TBC1D2B: variants seen among roughly 807,000 people sequenced by gnomAD.
TBC1D2B encodes the protein TBC1 domain family, member 2B.
Under a neutral mutation model 100.8 loss-of-function variants are expected in TBC1D2B, and 64 were observed. The observed-to-expected ratio is 0.64, with a 90% CI of 0.52 to 0.78. The LOEUF (loss-of-function observed/expected upper bound fraction) is 0.78, where lower values mean the gene tolerates loss of function less well. TBC1D2B is among the 30% of genes least tolerant of loss of function. The pLI, the probability that TBC1D2B is intolerant of heterozygous loss-of-function variation, is 0.00. For synonymous variants in TBC1D2B, 480 were observed against 479.7 expected (o/e 1.00, Z -0.01); for missense variants, 1,052 against 1,218.4 (o/e 0.86, Z 2.03).
At chr15:78,075,074 G>A (rs770602437) in intron 1 of TBC1D2B, among the ~76,000 whole-genome samples, 1 of 152,088 alleles carries the variant, frequency 6.6e-6, no homozygotes, top group Non-Finnish European at 1.5e-5. Context: ...GCAGGGAACT[G>A]GTGTAATTTG....
chr15:78,043,144 A>G (rs2073123662), intron 3 of TBC1D2B, among the ~76,000 whole-genome samples: 1 of 152,186 alleles, frequency 6.6e-6, no homozygotes, highest in East Asian at 1.9e-4. Context: ...CACACAGAAA[A>G]TAACTTTATC....
At chr15:78,061,998 G>C (rs1474285677) in intron 1 of TBC1D2B, among the ~76,000 whole-genome samples, 1 of 152,096 alleles carries the variant, frequency 6.6e-6, no homozygotes, top group Non-Finnish European at 1.5e-5. Context: ...GAAAATGAAT[G>C]CCATGTGCAC....
At chr15:78,048,197 A>C (rs12591418) in intron 2 of TBC1D2B, among the ~76,000 whole-genome samples, 94,158 of 152,108 alleles carry the variant, frequency 0.62, 29,098 homozygotes, top group Admixed American at 0.64. Context: ...AGGGAGGAAC[A>C]CGTTGGAGGA....
At chr15:78,056,242 G>A (rs893543707) in intron 1 of TBC1D2B, among the ~76,000 whole-genome samples, 2 of 152,220 alleles carry the variant, frequency 1.3e-5, no homozygotes, top group Non-Finnish European at 2.9e-5. Context: ...ATTCCAGGGA[G>A]AGAGAGAAGT....
chr15:78,002,739 G>A (rs74604302), intron 11 of TBC1D2B: 8,899 of 153,126 alleles, frequency 0.058, 363 homozygotes, highest in East Asian at 0.23. Context: ...CACTGTGCCC[G>A]GCTAAGGTAA....
chr15:78,045,864 G>A (rs560755606), intron 2 of TBC1D2B, among the ~76,000 whole-genome samples: 57 of 152,120 alleles, frequency 3.7e-4, no homozygotes, highest in Non-Finnish European at 1.9e-4. Context: ...GTTATTCTTC[G>A]TATATGTTTA....
At chr15:78,024,035 GA>G in intron 6 of TBC1D2B, 120 bp downstream of exon 6, 6 of 1,128,702 alleles carry the variant, frequency 5.3e-6, no homozygotes, top group Non-Finnish European at 6.0e-6. Context: ...CACTTGTGGG[GA>G]AAAAAAATAA....
At chr15:78,046,414 A>G (rs1274840794) in intron 2 of TBC1D2B, among the ~76,000 whole-genome samples, 1 of 152,260 alleles carries the variant, frequency 6.6e-6, no homozygotes, top group African/African-American at 2.4e-5. Context: ...TCTTTTTAAA[A>G]TATCTCTATA....
chr15:78,077,496 A>G lies in TBC1D2B; in HGVS notation c.157T>C (p.Tyr53His). Residue 53 changes from tyrosine (Y) to histidine (H), a missense_variant, in exon 1 of 13, where the codon TAC becomes CAC. By Grantham distance (83) the Tyr-to-His change is moderately conservative (BLOSUM62 2). Coordinates refer to ENST00000300584, the MANE Select transcript of TBC1D2B (RefSeq NM_144572.2). ...TCGAACACGAACCAGCGGCTGCGGT[A>G]GCCACGCAGGGGGCCCTTGCCCGAC... ...KLSGKGPLRG[Y>H]RSRWFVFDAR... is the part of the protein sequence containing the mutation. 6.5e-7 allele frequency: 1 copy of G among 1,533,062 alleles called. No homozygotes were observed. The highest frequency in any genetic ancestry group is 8.8e-7 in the Non-Finnish European group (1 of 1,139,986). 95.0% of individuals were successfully genotyped at this position (1,533,062 alleles called of 1,614,324 possible).
intron 2 of TBC1D2B, among the ~76,000 whole-genome samples, chr15:78,046,727 G>A (rs890713079): frequency 2.0e-5 from 3 of 151,602 alleles, no homozygotes; most frequent in Non-Finnish European, 2.9e-5. Flanking sequence ...CCACCTTGGC[G>A]TCCCAAAGTG....
At position 78,046,008 on chromosome 15, in the gene TBC1D2B, T is replaced by C. The variant is rs973699244; in HGVS notation, c.515-940A>G. 9.2e-5 allele frequency among the ~76,000 whole-genome samples: 14 copies of C among 152,330 alleles called. No homozygotes were observed. The South Asian group carries it at 2.7e-3, about 29-fold the overall frequency. On this transcript the variant is annotated intron_variant, in intron 2 of 12. Coordinates refer to ENST00000300584, the MANE Select transcript of TBC1D2B (RefSeq NM_144572.2). ...ATGCAATGGCGCGGTCTCGGCTCAC[T>C]GCAACCTCCTCCTCCTGGGTTCAAG...
At chr15:78,040,898 G>C (rs1309522016) in intron 3 of TBC1D2B, among the ~76,000 whole-genome samples, 3 of 150,804 alleles carry the variant, frequency 2.0e-5, no homozygotes, top group Non-Finnish European at 4.4e-5. Context: ...GAGAGAGAAA[G>C]AAAGAAAGAA....
At chr15:77,999,907 T>C (rs1387125983) in intron 12 of TBC1D2B, among the ~76,000 whole-genome samples, 1 of 152,190 alleles carries the variant, frequency 6.6e-6, no homozygotes, top group Non-Finnish European at 1.5e-5. Flanking sequence ...AAAAGGCTCC[T>C]AGAAGTCCTG....
At chr15:78,047,558 G>A (rs898691078) in intron 2 of TBC1D2B, among the ~76,000 whole-genome samples, 1 of 152,126 alleles carries the variant, frequency 6.6e-6, no homozygotes, top group Non-Finnish European at 1.5e-5. Flanking sequence ...TTCATCCTCA[G>A]CAGTTCCTCC....
At position 78,040,618 on chromosome 15, in the gene TBC1D2B, A is replaced by G. The variant is rs202065040; in HGVS notation, c.683+4282T>C. Among the ~76,000 whole-genome samples, 76 of 132,568 alleles carry G rather than the reference A, an allele frequency of 5.7e-4. No homozygotes were observed. The East Asian group carries it at 6.8e-3, about 12-fold the overall frequency. The allele number at this position is 132,568 out of a possible 152,430, so 87.0% of individuals were successfully genotyped here. On this transcript the variant is annotated intron_variant, in intron 3 of 12. Transcript: ENST00000300584. Reference sequence around the variant, plus strand: ...AAAGAGAGAAAGTGAGAGAGAAAGAAAGAGAGAGAGAAAGAAAAAGAAAGA... The same window carrying G: ...AAAGAGAGAAAGTGAGAGAGAAAGAGAGAGAGAGAGAAAGAAAAAGAAAGA...
chr15:78,023,390 A>G (rs1302150061), intron 6 of TBC1D2B, among the ~76,000 whole-genome samples: 1 of 152,176 alleles, frequency 6.6e-6, no homozygotes, highest in Non-Finnish European at 1.5e-5. Context: ...AACCGGTGGC[A>G]GCAAGAATGT....
intron 3 of TBC1D2B, among the ~76,000 whole-genome samples, chr15:78,032,253 G>A (rs1395792058): frequency 6.6e-6 from 1 of 152,142 alleles, no homozygotes; most frequent in Non-Finnish European, 1.5e-5. Flanking sequence ...ATAATTCACA[G>A]GGCATCAGAA....
intron 1 of TBC1D2B, among the ~76,000 whole-genome samples, chr15:78,075,924 G>C (rs4243073): frequency 0.83 from 126,626 of 152,174 alleles, 53,253 homozygotes; most frequent in East Asian, 0.99. Context: ...AGTTTGCCTA[G>C]TCTGCTCTCC....
rs755727224 is a variant in TBC1D2B, at chr15:78,066,470, G to A, written c.360+10823C>T. ...CAGAGATCTGCAGCAGAAGGGCTGG[G>A]ATGCTGGAAAGAAAGGCAGATTCCT... On this transcript the variant is annotated intron_variant, in intron 1 of 12. Coordinates refer to ENST00000300584, the MANE Select transcript of TBC1D2B (RefSeq NM_144572.2). Among the ~76,000 whole-genome samples the A allele has an allele frequency of 4.8e-4, 73 of 152,168 alleles. 1 individual carries two copies. The highest frequency in any genetic ancestry group is 9.2e-4 in the Admixed American group (14 of 15,272).
Sources: gnomAD v4.1 joint callset for allele counts (sites outside exome capture counted in the v4.1 genomes callset) on GRCh38, gnomAD v4.1.1 for gene constraint, MANE v1.5 for transcripts, NCBI Gene and HGNC (gene_info 2026-07-23, HGNC 2026-07-21) for gene names.